The following NLGN4Y variants were observed in gnomAD, a reference collection of about 807,000 sequenced individuals.
The protein encoded by NLGN4Y is neuroligin-4, Y-linked.
NLGN4Y carries 4 observed loss-of-function variants against 8.4 expected under a neutral mutation model. That is an observed-to-expected ratio of 0.48 (90% CI 0.23 to 1.09). The LOEUF (loss-of-function observed/expected upper bound fraction) is 1.09, where lower values mean the gene tolerates loss of function less well. Among genes scored for constraint, NLGN4Y ranks in the 50% least tolerant of loss-of-function variants. The pLI is 0.19. For synonymous variants in NLGN4Y, 35 were observed against 75.6 expected, an observed-to-expected ratio of 0.46 and a Z score of 2.78; for missense variants, 90 against 192.3, an observed-to-expected ratio of 0.47 and a Z score of 3.15.
At chrY:14,713,216 G>A in intron 2 of NLGN4Y, among the ~76,000 whole-genome samples, 1 of 33,670 alleles carries the variant, frequency 3.0e-5, no homozygotes, top group Non-Finnish European at 7.4e-5. Context: ...ATCTCATGAA[G>A]AGCAATAATG....
chrY:14,589,029 T>C, intron 1 of NLGN4Y, among the ~76,000 whole-genome samples: 1 of 32,724 alleles, frequency 3.1e-5, no homozygotes. Flanking sequence ...GAGTGAGCAG[T>C]AGCAAGATTT....
intron 6 of NLGN4Y, among the ~76,000 whole-genome samples, chrY:14,839,628 C>G (rs2043208271): frequency 3.0e-5 from 1 of 33,488 alleles, no homozygotes; most frequent in Non-Finnish European, 7.3e-5. Context: ...CTTTTCTGGA[C>G]TCTGTCTTCA....
chrY:14,694,318 A>C lies in NLGN4Y; in HGVS notation c.473-25141A>C, dbSNP rs200822948. 1.8e-3 allele frequency among the ~76,000 whole-genome samples: 62 copies of C among 34,231 alleles called. No individual in the cohort carries two copies. The East Asian group carries it at 0.048, about 27-fold the overall frequency. The allele number at this position is 34,231 out of a possible 37,273, so 91.8% of individuals were successfully genotyped here. ...CAGTAAAGCATGGTGCCAGGCACCA[A>C]GTGGTTCCTTATAGAGGAGCCAGAG... On this transcript the variant is annotated intron_variant, in intron 2 of 6. Transcript: ENST00000684976.
intron 2 of NLGN4Y, among the ~76,000 whole-genome samples, chrY:14,645,014 A>C: frequency 3.1e-5 from 1 of 32,571 alleles, no homozygotes; most frequent in African/African-American, 1.2e-4. Context: ...GTGGTTTACA[A>C]ATTGGCTATG....
chrY:14,624,482 C>A (rs2080521579), intron 2 of NLGN4Y, among the ~76,000 whole-genome samples: 1 of 33,618 alleles, frequency 3.0e-5, no homozygotes, highest in African/African-American at 1.2e-4. Flanking sequence ...AAAAGTAATC[C>A]AAATTTCATA....
chrY:14,778,270 A>G, intron 4 of NLGN4Y, among the ~76,000 whole-genome samples: 2 of 32,738 alleles, frequency 6.1e-5, no homozygotes, highest in African/African-American at 2.4e-4. Context: ...CAACGCAGGC[A>G]TATATTACAA....
chrY:14,566,889 G>T, intron 1 of NLGN4Y, among the ~76,000 whole-genome samples: 1 of 33,621 alleles, frequency 3.0e-5, no homozygotes, highest in Non-Finnish European at 7.3e-5. Context: ...ACACTCCTCA[G>T]CAAATGCAGA....
intron 4 of NLGN4Y, among the ~76,000 whole-genome samples, chrY:14,792,234 T>C: frequency 3.0e-5 from 1 of 32,787 alleles, no homozygotes; most frequent in East Asian, 8.1e-4. Context: ...GATCCCTACC[T>C]ATGGAATCTC....
intron 4 of NLGN4Y, among the ~76,000 whole-genome samples, chrY:14,753,432 C>G (rs2081048487): frequency 6.6e-5 from 2 of 30,216 alleles, no homozygotes; most frequent in African/African-American, 1.3e-4. Context: ...AGACACCGCA[C>G]CTGGCCAATT....
chrY:14,651,807 A>G (rs759712378), intron 2 of NLGN4Y, among the ~76,000 whole-genome samples: 1 of 33,383 alleles, frequency 3.0e-5, no homozygotes, highest in South Asian at 6.5e-4. Flanking sequence ...GAGATTTTTG[A>G]CATACAGTCA....
chrY:14,628,463 G>A, intron 2 of NLGN4Y, among the ~76,000 whole-genome samples: 1 of 34,006 alleles, frequency 2.9e-5, no homozygotes, highest in East Asian at 7.9e-4. Context: ...GTTAGTAAAC[G>A]TAGAGGTAGA....
At chrY:14,666,407 G>A in intron 2 of NLGN4Y, among the ~76,000 whole-genome samples, 1 of 33,023 alleles carries the variant, frequency 3.0e-5, no homozygotes, top group Non-Finnish European at 7.4e-5. Flanking sequence ...TATTTTCTTC[G>A]CACATTTCAG....
intron 4 of NLGN4Y, among the ~76,000 whole-genome samples, chrY:14,756,694 G>A (rs2081058788): frequency 4.1e-5 from 1 of 24,388 alleles, no homozygotes; most frequent in Non-Finnish European, 9.2e-5. Flanking sequence ...TCAGTGAGCC[G>A]AGATCACACC....
At chrY:14,798,561 T>G (rs2043020663) in intron 4 of NLGN4Y, 1 of 33,699 alleles carries the variant, frequency 3.0e-5, no homozygotes, top group Admixed American at 2.7e-4. Flanking sequence ...ATTCCATACT[T>G]ACTATATTTA....
At chrY:14,610,181 AT>A (rs2080461456) in intron 1 of NLGN4Y, among the ~76,000 whole-genome samples, 2 of 32,350 alleles carry the variant, frequency 6.2e-5, no homozygotes, top group Admixed American at 5.7e-4. Flanking sequence ...TTCTTGAAGG[AT>A]TTTTTTTATG....
At chrY:14,656,352 C>T in intron 2 of NLGN4Y, among the ~76,000 whole-genome samples, 1 of 32,143 alleles carries the variant, frequency 3.1e-5, no homozygotes, top group Non-Finnish European at 7.5e-5. Context: ...CTTTGAGATG[C>T]GTAGCTGGGC....
intron 2 of NLGN4Y, among the ~76,000 whole-genome samples, chrY:14,712,233 A>G: frequency 3.0e-5 from 1 of 33,366 alleles, no homozygotes; most frequent in Non-Finnish European, 7.4e-5. Context: ...CCAGTTTTTC[A>G]AAGTGCACAT....
chrY:14,724,322 A>C, intron 4 of NLGN4Y, among the ~76,000 whole-genome samples: 1 of 33,198 alleles, frequency 3.0e-5, no homozygotes, highest in Non-Finnish European at 7.4e-5. Flanking sequence ...GGTTTCTAAG[A>C]GGTGTGCTGA....
chrY:14,678,571 G>A, intron 2 of NLGN4Y, among the ~76,000 whole-genome samples: 1 of 33,287 alleles, frequency 3.0e-5, no homozygotes, highest in Admixed American at 2.8e-4. Context: ...GTGAGAAGGT[G>A]TCATGTCCTG....
Sources: allele counts gnomAD v4.1 joint callset (sites outside exome capture counted in the v4.1 genomes callset), GRCh38; gene constraint gnomAD v4.1.1; transcripts MANE v1.5; gene names NCBI Gene and HGNC (gene_info 2026-07-23, HGNC 2026-07-21).